The following CMYA5 variants were observed in gnomAD, a reference collection of about 807,000 sequenced individuals.
The protein encoded by CMYA5 is cardiomyopathy-associated protein 5.
CMYA5 carries 246 observed loss-of-function variants against 318.9 expected under a neutral mutation model. The observed-to-expected ratio is 0.77, with a 90% CI of 0.70 to 0.86. The LOEUF (loss-of-function observed/expected upper bound fraction) is 0.86, where lower values mean the gene tolerates loss of function less well. CMYA5 is among the 40% of genes least tolerant of loss of function. The pLI is 0.00. For missense variants in CMYA5, 4,589 were observed against 4,678.2 expected, an observed-to-expected ratio of 0.98 and a Z score of 0.56; for synonymous variants, 1,641 against 1,729.5, an observed-to-expected ratio of 0.95 and a Z score of 1.27.
rs1372533011 is a variant in CMYA5, at chr5:79,734,542, C to G, written c.5777C>G (p.Pro1926Arg). Residue 1926 changes from proline to arginine, a missense_variant, in exon 2 of 13, where the codon CCA becomes CGA. Pro to Arg is a moderately radical substitution (Grantham distance 103, BLOSUM62 -2). This residue lies in a region of CMYA5 where 2,431 missense variants were observed against 2,495.1 expected (regional missense o/e 0.97). Transcript: ENST00000446378. ...TCCTCTAGCAGCAATGAGCTGAGGC[C>G]AGGGCAGCTCAAGGCTGCTGTGTCC... is the stretch of plus-strand genomic sequence containing the variant. ...LDSSSSNELR[P>R]GQLKAAVSSK... 6.2e-7 allele frequency: 1 copy of G among 1,613,782 alleles called. No individual in the cohort carries two copies. The highest frequency in any genetic ancestry group is 8.5e-7 in the Non-Finnish European group (1 of 1,179,768).
chr5:79,723,443 GAA>G (rs35720490), intron 1 of CMYA5, among the ~76,000 whole-genome samples: 9 of 121,536 alleles, frequency 7.4e-5, no homozygotes, highest in Middle Eastern at 5.2e-3. Context: ...CATCTCAAAG[GAA>G]AAAAAAAAAA....
rs1420045246 is a variant in CMYA5 at position 79,763,118 on chromosome 5, A to G, written c.11464A>G (p.Thr3822Ala). 1.2e-6 allele frequency: 2 copies of G among 1,613,604 alleles called. No individual in the cohort carries two copies. Among genetic ancestry groups the G allele is most frequent in the Admixed American group, 1.7e-5 (1 of 60,000 alleles). The change falls in exon 9 of 13, where the codon ACT (threonine) becomes GCT (alanine). Residue 3822 changes from threonine (T) to alanine (A), a missense_variant. Thr to Ala is a moderately conservative substitution (Grantham distance 58). Transcript: ENST00000446378. ...EDCTVCWNTATIRWRPTTPEA... is the reference protein window; with the variant it reads ...EDCTVCWNTAAIRWRPTTPEA... The stretch of plus-strand genomic sequence containing the variant: ...CTGTACTGTGTGTTGGAACACAGCC[A>G]CTATCCGATGGCGGCCCACCACCCC...
At chr5:79,763,374 A>G (rs1231061930) in intron 9 of CMYA5, 165 bp downstream of exon 9, 5 of 588,038 alleles carry the variant, frequency 8.5e-6, no homozygotes, top group Non-Finnish European at 8.8e-6. Context: ...CAGTTCACCA[A>G]TGAACTCCAA....
rs1223920630 is a variant in CMYA5, at chr5:79,736,365, G to T, written c.7600G>T (p.Glu2534Ter). Residue 2534 changes from glutamate to a stop codon, truncating the protein, a stop_gained, in exon 2 of 13, where the codon GAA becomes TAA. Coordinates refer to ENST00000446378, the MANE Select transcript of CMYA5 (RefSeq NM_153610.5). LOFTEE classifies it high-confidence loss of function. Reference protein sequence around the residue: ...NERPKIIVGSEKEKGEEKENQ... With the variant: ...NERPKIIVGS ...AAGACCCAAAATCATTGTTGGTTCTGAAAAGGAGAAAGGTGAAGAAAAAGA... is the reference window on the plus strand; with the variant it reads ...AAGACCCAAAATCATTGTTGGTTCTTAAAAGGAGAAAGGTGAAGAAAAAGA... The T allele has an allele frequency of 1.9e-6, 3 of 1,613,160 alleles. No homozygotes were observed. The highest frequency in any genetic ancestry group is 2.5e-6 in the Non-Finnish European group (3 of 1,179,594).
chr5:79,729,054 G>A lies in CMYA5; in HGVS notation c.289G>A (p.Ala97Thr), dbSNP rs377500464. The change falls in exon 2 of 13, where the codon GCT becomes ACT. Residue 97 changes from alanine (A) to threonine (T), a missense_variant. This residue lies in a region of CMYA5 where 2,132 missense variants were observed against 2,131.3 expected (regional missense o/e 1.00). Coordinates refer to ENST00000446378, the MANE Select transcript of CMYA5 (RefSeq NM_153610.5). ...TNSSRSSTPW[A>T]SEESQTSGVC... ...TTCAAGTAGATCTTCTACTCCTTGG[G>A]CTTCAGAAGAAAGTCAGACTTCTGG... 6.2e-7 allele frequency: 1 copy of A among 1,613,830 alleles called. No homozygotes were observed. Among genetic ancestry groups the A allele is most frequent in the Non-Finnish European group, 8.5e-7 (1 of 1,179,892 alleles).
Position 79,747,129 on chromosome 5 carries a change from T to A in CMYA5, c.10991+16T>A. ...TCAATGAAAGGTATATAAAACATGA[T>A]ACAATGTAGTGGCAAACAGCATGAC... On this transcript the variant is annotated intron_variant, in intron 5 of 12. Coordinates refer to ENST00000446378, the MANE Select transcript of CMYA5 (RefSeq NM_153610.5). 1 of 1,545,006 alleles carries A rather than the reference T, an allele frequency of 6.5e-7. No individual in the cohort carries two copies. The highest frequency in any genetic ancestry group is 1.4e-5 in the African/African-American group (1 of 72,708).
intron 1 of CMYA5, among the ~76,000 whole-genome samples, chr5:79,706,099 A>G (rs116281819): frequency 0.021 from 3,216 of 152,246 alleles, 113 homozygotes; most frequent in African/African-American, 0.072. Flanking sequence ...ACGCAAGATA[A>G]TGAAAGCTGG....
chr5:79,699,909 A>G (rs1827142832), intron 1 of CMYA5, among the ~76,000 whole-genome samples: 1 of 152,174 alleles, frequency 6.6e-6, no homozygotes, highest in South Asian at 2.1e-4. Flanking sequence ...TTAAAAGAAA[A>G]TTCTGGTGGA....
intron 12 of CMYA5, among the ~76,000 whole-genome samples, chr5:79,798,033 C>G (rs1476705886): frequency 6.6e-6 from 1 of 152,164 alleles, no homozygotes; most frequent in South Asian, 2.1e-4. Context: ...GGTTCCAGAA[C>G]ATCATAGTAT....
At chr5:79,750,060 C>T (rs892517402) in intron 5 of CMYA5, among the ~76,000 whole-genome samples, 12 of 151,474 alleles carry the variant, frequency 7.9e-5, no homozygotes, top group African/African-American at 2.7e-4. Context: ...CCTTGAATAA[C>T]GCCATGATAC....
At chr5:79,768,960 T>C (rs1828806020) in intron 9 of CMYA5, among the ~76,000 whole-genome samples, 1 of 152,184 alleles carries the variant, frequency 6.6e-6, no homozygotes, top group Admixed American at 6.5e-5. Context: ...CCTTTTCACA[T>C]AGTCCCATAT....
intron 10 of CMYA5, among the ~76,000 whole-genome samples, chr5:79,790,116 C>T (rs982700459): frequency 2.0e-5 from 3 of 152,190 alleles, no homozygotes; most frequent in Non-Finnish European, 2.9e-5. Flanking sequence ...ACATCTTGTG[C>T]TTTTGCCTCG....
At chr5:79,720,848 A>G (rs4704583) in intron 1 of CMYA5, among the ~76,000 whole-genome samples, 29,218 of 152,130 alleles carry the variant, frequency 0.19, 4,623 homozygotes, top group African/African-American at 0.44. Context: ...ACCAGAGGAA[A>G]TACTAAAGGG....
At position 79,733,820 on chromosome 5, in the gene CMYA5, TAG is replaced by T. The variant is rs763497385; in HGVS notation, c.5060_5061del (p.Glu1687AlafsTer18). The T allele has an allele frequency of 3.1e-6, 5 of 1,613,552 alleles. No individual in the cohort carries two copies. The highest frequency in any genetic ancestry group is 4.2e-6 in the Non-Finnish European group (5 of 1,179,786). On this transcript the variant is annotated frameshift_variant, in exon 2 of 13. Coordinates refer to ENST00000446378, the MANE Select transcript of CMYA5 (RefSeq NM_153610.5). LOFTEE classifies it high-confidence loss of function. ...LRSREGKEEN[R>X]ELCASSTMPA... ...GGAGCAGAGAAGGAAAAGAAGAAAATAGAGAGCTTTGTGCATCTTCTACGATG... is the reference window on the plus strand; with the variant it reads ...GGAGCAGAGAAGGAAAAGAAGAAAATAGAGCTTTGTGCATCTTCTACGATG...
intron 1 of CMYA5, among the ~76,000 whole-genome samples, chr5:79,720,833 T>C: frequency 6.6e-6 from 1 of 152,060 alleles, no homozygotes; most frequent in East Asian, 1.9e-4. Flanking sequence ...CCCCAGAAGA[T>C]TCACACCAGA....
intron 12 of CMYA5, among the ~76,000 whole-genome samples, chr5:79,796,815 T>C (rs1829284457): frequency 6.6e-6 from 1 of 151,394 alleles, no homozygotes; most frequent in African/African-American, 2.4e-5. Context: ...CAACAATTAG[T>C]ATTATGCATT....
chr5:79,792,462 T>C (rs1005854472), intron 11 of CMYA5, among the ~76,000 whole-genome samples: 29 of 152,216 alleles, frequency 1.9e-4, no homozygotes, highest in African/African-American at 6.8e-4. Context: ...ATGTGTTTTA[T>C]AGAATTTTAT....
At position 79,738,576 on chromosome 5, in the gene CMYA5, G is replaced by A. The variant is rs777014375; in HGVS notation, c.9811G>A (p.Asp3271Asn). 6.2e-6 allele frequency: 10 copies of A among 1,613,458 alleles called. No homozygotes were observed. The East Asian group carries it at 1.6e-4, about 25-fold the overall frequency. Residue 3271 changes from aspartate to asparagine, a missense_variant, in exon 2 of 13, where the codon GAT becomes AAT. Asp to Asn is a conservative substitution (Grantham distance 23). Around this residue, in one of 3 missense-constraint regions of CMYA5, gnomAD observed 2,431 missense variants for 2,495.1 expected, o/e 0.97. Transcript: ENST00000446378. ...GGAAGAAAAACGAGTTGGTAAGGAT[G>A]ATTCATACCAACCGATAGCTGCAGA... is the stretch of plus-strand genomic sequence containing the variant. Reference protein sequence around the residue: ...GLEEKRVGKDDSYQPIAAEGE... With the variant: ...GLEEKRVGKDNSYQPIAAEGE...
rs768390563 is a variant in CMYA5, at chr5:79,733,072, G to T, written c.4307G>T (p.Trp1436Leu). 4 of 1,613,498 alleles carry T rather than the reference G, an allele frequency of 2.5e-6. No individual in the cohort carries two copies. Among genetic ancestry groups the T allele is most frequent in the African/African-American group, 1.3e-5 (1 of 75,034 alleles). Residue 1436 changes from tryptophan to leucine, a missense_variant, in exon 2 of 13, where the codon TGG becomes TTG. By Grantham distance (61) the Trp-to-Leu change is moderately conservative. Around this residue, in one of 3 missense-constraint regions of CMYA5, gnomAD observed 2,132 missense variants for 2,131.3 expected, o/e 1.00. Coordinates refer to ENST00000446378, the MANE Select transcript of CMYA5 (RefSeq NM_153610.5). ...PIETSSKHLA[W>L]SEAEKEIKFD... ...GAAACTTCATCCAAACATTTAGCTT[G>T]GTCAGAAGCAGAGAAGGAAATTAAA...
Sources: gnomAD v4.1 joint callset for allele counts (sites outside exome capture counted in the v4.1 genomes callset) on GRCh38, gnomAD v4.1.1 for gene constraint, gnomAD v4.1.1 regional missense constraint, MANE v1.5 for transcripts, NCBI Gene and HGNC (gene_info 2026-07-23, HGNC 2026-07-21) for gene names.